The following C2CD4C variants were observed in gnomAD, a reference collection of about 807,000 sequenced individuals.
C2CD4C encodes C2 calcium dependent domain containing 4C.
A neutral mutation model predicts 4.1 loss-of-function variants in C2CD4C; 3 were observed. That is an observed-to-expected ratio of 0.73 (90% confidence interval 0.33 to 1.88). The LOEUF is 1.88. C2CD4C is among the 40% of genes most tolerant of loss of function. The probability of loss-of-function intolerance (pLI) is 0.08; values close to 1 mark genes in which losing one functional copy is unlikely to be tolerated. For synonymous variants in C2CD4C, 364 were observed against 290.4 expected, an observed-to-expected ratio of 1.25 and a Z score of -2.57; for missense variants, 664 against 621.5, an observed-to-expected ratio of 1.07 and a Z score of -0.73.
Position 405,535 on chromosome 19 carries a change from G to A in C2CD4C, c.*1561C>T, listed in dbSNP as rs537994894. ...AAAGATTTACCCACAGTCAACCTCAGACACTAAGATATCAAAGAGTGCAGG... is the reference window on the plus strand; with the variant it reads ...AAAGATTTACCCACAGTCAACCTCAAACACTAAGATATCAAAGAGTGCAGG... On this transcript the variant is annotated 3_prime_UTR_variant, in exon 2 of 2. Coordinates refer to ENST00000332235, the MANE Select transcript of C2CD4C (RefSeq NM_001136263.2). 1 of 152,186 alleles carries A rather than the reference G, an allele frequency of 6.6e-6. No homozygotes were observed. Among genetic ancestry groups the A allele is most frequent in the Non-Finnish European group, 1.5e-5 (1 of 68,064 alleles). The allele number at this position is 152,186 out of a possible 1,614,324, so 9.4% of individuals were successfully genotyped here. A position where few individuals can be genotyped will look rare whatever the true frequency, so the allele number is the denominator to read the frequency against.
Position 407,447 on chromosome 19 carries a change from A to C in C2CD4C, c.915T>G (p.Pro305=), listed in dbSNP as rs1156449857. 34 of 1,472,620 alleles carry C rather than the reference A, an allele frequency of 2.3e-5. No homozygotes were observed. The highest frequency in any genetic ancestry group is 3.0e-5 in the Non-Finnish European group (34 of 1,118,108). 91.2% of individuals were successfully genotyped at this position (1,472,620 alleles called of 1,614,324 possible). ...ARGEHTVHVG[P]RGSVRLLAEY... ...CGGCCAGCAGCCGCACGCTGCCCCG[A>C]GGGCCCACGTGGACCGTGTGCTCCC... The change falls in exon 2 of 2, where the codon CCT becomes CCG. Residue 305 remains proline (P), a synonymous_variant. Coordinates refer to ENST00000332235, the MANE Select transcript of C2CD4C (RefSeq NM_001136263.2).
Position 408,038 on chromosome 19 carries a change from G to A in C2CD4C, c.324C>T (p.Thr108=). 1 of 1,543,826 alleles carries A rather than the reference G, an allele frequency of 6.5e-7. No individual in the cohort carries two copies. Among genetic ancestry groups the A allele is most frequent in the Non-Finnish European group, 8.7e-7 (1 of 1,144,240 alleles). ...AESKSLLKAA[T]RHVIQIESAE... The stretch of plus-strand genomic sequence containing the variant: ...CACTCTCGATCTGGATCACGTGCCG[G>A]GTGGCTGCCTTCAGCAGGCTCTTGC... The change falls in exon 2 of 2, where the codon ACC becomes ACT. Residue 108 remains threonine (T), a synonymous_variant. Coordinates refer to ENST00000332235, the MANE Select transcript of C2CD4C (RefSeq NM_001136263.2).
Position 406,821 on chromosome 19 carries a change from G to A in C2CD4C, c.*275C>T, listed in dbSNP as rs759976274. The A allele has an allele frequency of 3.0e-4, 136 of 455,728 alleles. No individual in the cohort carries two copies. The highest frequency in any genetic ancestry group is 4.3e-4 in the Non-Finnish European group (109 of 255,452). 28.2% of individuals were successfully genotyped at this position (455,728 alleles called of 1,614,324 possible). On this transcript the variant is annotated 3_prime_UTR_variant, in exon 2 of 2. Coordinates refer to ENST00000332235, the MANE Select transcript of C2CD4C (RefSeq NM_001136263.2). ...GGCAAAGGGGGACCCTCTGCCCCGCGAAGTGGCCCCTTCTCTTCCCCCGAG... is the reference window on the plus strand; with the variant it reads ...GGCAAAGGGGGACCCTCTGCCCCGCAAAGTGGCCCCTTCTCTTCCCCCGAG...
chr19:408,647 G>A (rs1172664457), intron 1 of C2CD4C, among the ~76,000 whole-genome samples: 1 of 152,200 alleles, frequency 6.6e-6, no homozygotes, highest in Non-Finnish European at 1.5e-5. Context: ...GCCGCGCTCT[G>A]ACTCTCCGGG....
chr19:406,138 A>G lies in C2CD4C; in HGVS notation c.*958T>C, dbSNP rs1973981629. 1 of 152,208 alleles carries G rather than the reference A, an allele frequency of 6.6e-6. No homozygotes were observed. The highest frequency in any genetic ancestry group is 1.5e-5 in the Non-Finnish European group (1 of 68,072). The allele number at this position is 152,208 out of a possible 1,614,324, so 9.4% of individuals were successfully genotyped here. ...CCAGCTGCCTCCTGGGCTCCGACCC[A>G]CCCACCGTAGCCACAGCCTATTTAC... On this transcript the variant is annotated 3_prime_UTR_variant, in exon 2 of 2. Coordinates refer to ENST00000332235, the MANE Select transcript of C2CD4C (RefSeq NM_001136263.2).
Position 407,352 on chromosome 19 carries a change from C to G in C2CD4C, c.1010G>C (p.Cys337Ser). 2 of 1,545,712 alleles carry G rather than the reference C, an allele frequency of 1.3e-6. No individual in the cohort carries two copies. Among genetic ancestry groups the G allele is most frequent in the Non-Finnish European group, 1.7e-6 (2 of 1,146,604 alleles). ...GCAGCAGTTGATGCTGCGGGCGTCG[C>G]ACAGGCGGTCGTAGAGGCCCTCGGC... is the stretch of plus-strand genomic sequence containing the variant. The part of the protein sequence containing the change: ...LAAEGLYDRL[C>S]DARSINCCVG... The change falls in exon 2 of 2, where the codon TGC (cysteine) becomes TCC (serine). Residue 337 changes from cysteine to serine, a missense_variant. Cys to Ser is a moderately radical substitution (Grantham distance 112). Transcript: ENST00000332235.
In C2CD4C at chr19:406,899, A is replaced by C; in HGVS notation, c.*197T>G. On this transcript the variant is annotated 3_prime_UTR_variant, in exon 2 of 2. Coordinates refer to ENST00000332235, the MANE Select transcript of C2CD4C (RefSeq NM_001136263.2). ...CAAAGGAGAAATTAATTCATGAAAA[A>C]TAATACTCCAGTCAGCATCGGGTGA... 1 of 554,134 alleles carries C rather than the reference A, an allele frequency of 1.8e-6. No individual in the cohort carries two copies. Among genetic ancestry groups the C allele is most frequent in the Non-Finnish European group, 3.1e-6 (1 of 318,930 alleles). 34.3% of individuals were successfully genotyped at this position (554,134 alleles called of 1,614,324 possible).
At chr19:408,518 T>C (rs998639977) in intron 1 of C2CD4C, 117 bp from the exon 2 acceptor site, 1 of 604,202 alleles carries the variant, frequency 1.7e-6, no homozygotes, top group South Asian at 2.2e-5. Context: ...GGTGGAGGGG[T>C]CCCCTGGGGG....
At position 407,361 on chromosome 19, in the gene C2CD4C, T is replaced by C. The variant is rs2046653791; in HGVS notation, c.1001A>G (p.Asp334Gly). ...VHLLAAEGLYDRLCDARSINC... is the reference protein window; with the variant it reads ...VHLLAAEGLYGRLCDARSINC... Reference sequence around the variant, plus strand: ...GATGCTGCGGGCGTCGCACAGGCGGTCGTAGAGGCCCTCGGCGGCCAGCAG... The same window carrying C: ...GATGCTGCGGGCGTCGCACAGGCGGCCGTAGAGGCCCTCGGCGGCCAGCAG... The change falls in exon 2 of 2, where the codon GAC (aspartate) becomes GGC (glycine). Residue 334 changes from aspartate to glycine, a missense_variant. Coordinates refer to ENST00000332235, the MANE Select transcript of C2CD4C (RefSeq NM_001136263.2). The C allele has an allele frequency of 1.3e-6, 2 of 1,544,232 alleles. No individual in the cohort carries two copies. Among genetic ancestry groups the C allele is most frequent in the Middle Eastern group, 1.7e-4 (1 of 5,984 alleles).
rs1471107698 is a variant in C2CD4C, at chr19:407,811, C to A, written c.551G>T (p.Arg184Leu). Residue 184 changes from arginine to leucine, a missense_variant, in exon 2 of 2, where the codon CGC becomes CTC. Physicochemically the swap from Arg to Leu is moderately radical, Grantham distance 102. Coordinates refer to ENST00000332235, the MANE Select transcript of C2CD4C (RefSeq NM_001136263.2). ...CCCGTTGGCCTTGGCAGCTGCCCGG[C>A]GGCGCCCGGCCCCTGGGGAGCCCAC... ...AQVGSPGAGR[R>L]RAAAKANGGD... is the part of the protein sequence containing the mutation. The A allele has an allele frequency of 1.3e-6, 2 of 1,535,010 alleles. No individual in the cohort carries two copies. Among genetic ancestry groups the A allele is most frequent in the East Asian group, 2.5e-5 (1 of 40,566 alleles).
In C2CD4C at chr19:407,533, G is replaced by C. The variant is rs1422727734; in HGVS notation, c.829C>G (p.Arg277Gly). 7.2e-7 allele frequency: 1 copy of C among 1,383,880 alleles called. No individual in the cohort carries two copies. The highest frequency in any genetic ancestry group is 1.5e-5 in the African/African-American group (1 of 64,992). 85.7% of individuals were successfully genotyped at this position (1,383,880 alleles called of 1,614,324 possible). ...GGTGCCCGGCGGGTCAGGCGGCGCCGGCTCCCGGGGCTGGCGTCCGGGGTG... is the reference window on the plus strand; with the variant it reads ...GGTGCCCGGCGGGTCAGGCGGCGCCCGCTCCCGGGGCTGGCGTCCGGGGTG... ...DSTPDASPGS[R>G]RRLTRRAPPE... is the part of the protein sequence containing the mutation. Residue 277 changes from arginine to glycine, a missense_variant, in exon 2 of 2, where the codon CGG becomes GGG. Coordinates refer to ENST00000332235, the MANE Select transcript of C2CD4C (RefSeq NM_001136263.2).
At position 406,102 on chromosome 19, in the gene C2CD4C, G is replaced by A. The variant is rs1164054716; in HGVS notation, c.*994C>T. On this transcript the variant is annotated 3_prime_UTR_variant, in exon 2 of 2. Coordinates refer to ENST00000332235, the MANE Select transcript of C2CD4C (RefSeq NM_001136263.2). Reference sequence around the variant, plus strand: ...CCACCTAACAGCAGGAAAGGCCATAGCCAGGTCCCCCCAGCTGCCTCCTGG... The same window carrying A: ...CCACCTAACAGCAGGAAAGGCCATAACCAGGTCCCCCCAGCTGCCTCCTGG... 2 of 152,330 alleles carry A rather than the reference G, an allele frequency of 1.3e-5. No homozygotes were observed. The highest frequency in any genetic ancestry group is 1.9e-4 in the East Asian group (1 of 5,196). The allele number at this position is 152,330 out of a possible 1,614,324, so 9.4% of individuals were successfully genotyped here. A position where few individuals can be genotyped will look rare whatever the true frequency, so the allele number is the denominator to read the frequency against.
rs753766247 is a variant in C2CD4C, at chr19:408,140, C to T, written c.222G>A (p.Ser74=). 17 of 1,456,874 alleles carry T rather than the reference C, an allele frequency of 1.2e-5. No individual in the cohort carries two copies. The South Asian group carries it at 1.7e-4, about 15-fold the overall frequency. The allele number at this position is 1,456,874 out of a possible 1,614,324, so 90.2% of individuals were successfully genotyped here. A position where few individuals can be genotyped will look rare whatever the true frequency, so the allele number is the denominator to read the frequency against. Residue 74 remains serine, a synonymous_variant, in exon 2 of 2, where the codon TCG becomes TCA. Transcript: ENST00000332235. ...EGQAALGPST[S]EQNLASAAPR... Reference sequence around the variant, plus strand: ...GGGCCGCAGAGGCCAGGTTCTGTTCCGACGTGGAGGGGCCCAGCGCGGCCT... The same window carrying T: ...GGGCCGCAGAGGCCAGGTTCTGTTCTGACGTGGAGGGGCCCAGCGCGGCCT...
rs1489333015 is a variant in C2CD4C, at chr19:407,044, G to C, written c.*52C>G. On this transcript the variant is annotated 3_prime_UTR_variant, in exon 2 of 2. Coordinates refer to ENST00000332235, the MANE Select transcript of C2CD4C (RefSeq NM_001136263.2). ...GCCCGCCAGCACCCGGTGTGGAGGA[G>C]AGACCGGGGTCTGCCCTCTGCACCC... is the stretch of plus-strand genomic sequence containing the variant. 6.8e-7 allele frequency: 1 copy of C among 1,460,966 alleles called. No individual in the cohort carries two copies. The highest frequency in any genetic ancestry group is 1.4e-5 in the African/African-American group (1 of 71,162). The allele number at this position is 1,460,966 out of a possible 1,614,324, so 90.5% of individuals were successfully genotyped here. A position where few individuals can be genotyped will look rare whatever the true frequency, so the allele number is the denominator to read the frequency against.
chr19:408,198 T>G lies in C2CD4C; in HGVS notation c.164A>C (p.Lys55Thr). 1.4e-6 allele frequency: 2 copies of G among 1,459,296 alleles called. No homozygotes were observed. The highest frequency in any genetic ancestry group is 1.8e-6 in the Non-Finnish European group (2 of 1,105,902). 90.4% of individuals were successfully genotyped at this position (1,459,296 alleles called of 1,614,324 possible). A position where few individuals can be genotyped will look rare whatever the true frequency, so the allele number is the denominator to read the frequency against. ...GCCCTCCGCGGGGCCCGAGGGCAGC[T>G]TGGGGGGGATGAAAAAGTCGGGGAT... ...DKIPDFFIPPKLPSGPAEGEG... is the reference protein window; with the variant it reads ...DKIPDFFIPPTLPSGPAEGEG... The change falls in exon 2 of 2, where the codon AAG becomes ACG. Residue 55 changes from lysine to threonine, a missense_variant. Physicochemically the swap from Lys to Thr is moderately conservative, Grantham distance 78. Transcript: ENST00000332235.
chr19:407,366 G>A lies in C2CD4C; in HGVS notation c.996C>T (p.Leu332=). The A allele has an allele frequency of 6.5e-7, 1 of 1,542,518 alleles. No individual in the cohort carries two copies. The highest frequency in any genetic ancestry group is 2.4e-5 in the East Asian group (1 of 40,878). Residue 332 remains leucine, a synonymous_variant, in exon 2 of 2, where the codon CTC becomes CTT. Coordinates refer to ENST00000332235, the MANE Select transcript of C2CD4C (RefSeq NM_001136263.2). ...TGCGGGCGTCGCACAGGCGGTCGTAGAGGCCCTCGGCGGCCAGCAGGTGCA... is the reference window on the plus strand; with the variant it reads ...TGCGGGCGTCGCACAGGCGGTCGTAAAGGCCCTCGGCGGCCAGCAGGTGCA... The part of the protein sequence containing the change: ...LRVHLLAAEG[L]YDRLCDARSI...
Position 408,399 on chromosome 19 carries a change from C to T in C2CD4C, c.-38G>A. The T allele has an allele frequency of 6.6e-7, 1 of 1,510,976 alleles. No homozygotes were observed. The highest frequency in any genetic ancestry group is 8.9e-7 in the Non-Finnish European group (1 of 1,126,824). The allele number at this position is 1,510,976 out of a possible 1,614,324, so 93.6% of individuals were successfully genotyped here. A position where few individuals can be genotyped will look rare whatever the true frequency, so the allele number is the denominator to read the frequency against. On this transcript the variant is annotated splice_region_variant and 5_prime_UTR_variant, in exon 2 of 2. Coordinates refer to ENST00000332235, the MANE Select transcript of C2CD4C (RefSeq NM_001136263.2). ...CAAGAGGCCCGGACAGGGGCTGCAGCGTCTGGGAAGAGAAGCAGGGGTCAG... is the reference window on the plus strand; with the variant it reads ...CAAGAGGCCCGGACAGGGGCTGCAGTGTCTGGGAAGAGAAGCAGGGGTCAG...
In C2CD4C at chr19:407,901, G is replaced by A. The variant is rs1276574984; in HGVS notation, c.461C>T (p.Ala154Val). ...AQTSYGFAML[A>V]ESPHTRRKES... ...CTTGCGCCTCGTGTGGGGGCTCTCAGCCAGCATGGCGAAGCCGTAGGACGT... is the reference window on the plus strand; with the variant it reads ...CTTGCGCCTCGTGTGGGGGCTCTCAACCAGCATGGCGAAGCCGTAGGACGT... The change falls in exon 2 of 2, where the codon GCT becomes GTT. Residue 154 changes from alanine to valine, a missense_variant. Ala to Val is a moderately conservative substitution (Grantham distance 64, BLOSUM62 0). Transcript: ENST00000332235. 5 of 1,549,082 alleles carry A rather than the reference G, an allele frequency of 3.2e-6. No homozygotes were observed. Among genetic ancestry groups the A allele is most frequent in the East Asian group, 2.4e-5 (1 of 40,882 alleles).
At chr19:408,437 G>A in intron 1 of C2CD4C, 36 bp from the exon 2 acceptor site, 3 of 1,428,534 alleles carry the variant, frequency 2.1e-6, no homozygotes, top group East Asian at 5.5e-5. Flanking sequence ...GCAGTGGGGG[G>A]CGGCTGGCAG....
Sources: gnomAD v4.1 joint callset for allele counts (sites outside exome capture counted in the v4.1 genomes callset) on GRCh38, gnomAD v4.1.1 for gene constraint, MANE v1.5 for transcripts, NCBI Gene and HGNC (gene_info 2026-07-23, HGNC 2026-07-21) for gene names.